SLC30A8: variants seen among roughly 807,000 people sequenced by gnomAD.
The protein encoded by SLC30A8 is proton-coupled zinc antiporter SLC30A8.
A neutral mutation model predicts 36.9 loss-of-function variants in SLC30A8; 27 were observed. The observed-to-expected ratio is 0.73, with a 90% CI of 0.54 to 1.01. The LOEUF is 1.01. SLC30A8 is among the 50% of genes least tolerant of loss of function. The pLI is 0.00. For synonymous variants in SLC30A8, 164 were observed against 172.4 expected (o/e 0.95, Z 0.38); for missense variants, 439 against 452.0 (o/e 0.97, Z 0.26).
chr8:116,970,886 G>A (rs1411673591), intron 1 of SLC30A8, among the ~76,000 whole-genome samples: 2 of 152,152 alleles, frequency 1.3e-5, no homozygotes, highest in East Asian at 3.9e-4. Flanking sequence ...CCTGAGGTCA[G>A]GGGTTTGAGA....
chr8:117,012,667 AGTGTGTGTGTGTGTGCAT>A (rs1816380518), intron 1 of SLC30A8, among the ~76,000 whole-genome samples: 1 of 140,342 alleles, frequency 7.1e-6, no homozygotes, highest in Non-Finnish European at 1.6e-5. Context: ...ACTGTATATA[AGTGTGTGTGTGTGTGCAT>A]GTGTGTGTGT....
intron 2 of SLC30A8, among the ~76,000 whole-genome samples, chr8:117,125,701 GA>G (rs1371958831): frequency 6.6e-6 from 1 of 151,956 alleles, no homozygotes; most frequent in Non-Finnish European, 1.5e-5. Context: ...CAATGACTGA[GA>G]AAAGGCAATT....
At position 117,167,502 on chromosome 8, in the gene SLC30A8, CAT is replaced by C. The variant is rs1271298115; in HGVS notation, c.830-3531_830-3530del. ...TTGCATATATATATATACATACATA[CAT>C]GTATATGTATATGTGTATGTGATGT... On this transcript the variant is annotated intron_variant, in intron 6 of 7. Coordinates refer to ENST00000456015, the MANE Select transcript of SLC30A8 (RefSeq NM_173851.3). Among the ~76,000 whole-genome samples the C allele has an allele frequency of 2.4e-4, 34 of 143,736 alleles. No individual in the cohort carries two copies. In the South Asian group the frequency reaches 4.4e-3, roughly 19 times the overall value. The allele number at this position is 143,736 out of a possible 152,430, so 94.3% of individuals were successfully genotyped here.
chr8:117,154,910 A>G (rs1822396638), intron 3 of SLC30A8, among the ~76,000 whole-genome samples: 2 of 152,200 alleles, frequency 1.3e-5, no homozygotes, highest in South Asian at 4.1e-4. Flanking sequence ...ATTCTGTAAT[A>G]TACAGTAAAA....
At chr8:117,084,124 C>T (rs949333163) in intron 2 of SLC30A8, among the ~76,000 whole-genome samples, 1 of 152,108 alleles carries the variant, frequency 6.6e-6, no homozygotes, top group African/African-American at 2.4e-5. Flanking sequence ...CCTCTTGAGG[C>T]CAATGAAGTA....
At chr8:117,001,381 A>AT in intron 1 of SLC30A8, among the ~76,000 whole-genome samples, 1 of 152,286 alleles carries the variant, frequency 6.6e-6, no homozygotes, top group South Asian at 2.1e-4. Context: ...TGGTGAAATC[A>AT]TTGAGCAGCT....
intron 2 of SLC30A8, among the ~76,000 whole-genome samples, chr8:117,049,293 C>T (rs1817640007): frequency 6.6e-6 from 1 of 152,120 alleles, no homozygotes; most frequent in Non-Finnish European, 1.5e-5. Context: ...CCACTGGCAA[C>T]TTATATAATT....
At chr8:117,122,895 C>T (rs1340960506) in intron 2 of SLC30A8, among the ~76,000 whole-genome samples, 1 of 151,948 alleles carries the variant, frequency 6.6e-6, no homozygotes, top group Non-Finnish European at 1.5e-5. Flanking sequence ...AAGTCAATTG[C>T]TTCCCAAATC....
At chr8:117,080,156 C>CT (rs1182631385) in intron 2 of SLC30A8, among the ~76,000 whole-genome samples, 4 of 151,740 alleles carry the variant, frequency 2.6e-5, no homozygotes, top group Admixed American at 6.6e-5. Context: ...TTTTAAAAAT[C>CT]TTTTTTTTAA....
chr8:117,002,899 G>A (rs979317840), intron 1 of SLC30A8, among the ~76,000 whole-genome samples: 2 of 152,060 alleles, frequency 1.3e-5, no homozygotes, highest in Non-Finnish European at 2.9e-5. Flanking sequence ...CACTGTGCCT[G>A]GCCAAAAGAT....
upstream of SLC30A8, among the ~76,000 whole-genome samples, chr8:117,130,542 T>G (rs969884724): frequency 1.3e-5 from 2 of 151,852 alleles, no homozygotes; most frequent in Non-Finnish European, 1.5e-5. Context: ...TATTATTAAA[T>G]TTGAGCATTT....
Position 117,135,107 on chromosome 8 carries a change from T to A in SLC30A8, c.-221T>A, listed in dbSNP as rs1269022433. The stretch of plus-strand genomic sequence containing the variant: ...CAAGTCTCCCTAGAAAAGCAGTTTT[T>A]GTAGGTGAAAACAATGAAGCCAGGT... On this transcript the variant is annotated 5_prime_UTR_variant, in exon 1 of 8. Coordinates refer to ENST00000456015, the MANE Select transcript of SLC30A8 (RefSeq NM_173851.3). 2.6e-6 allele frequency: 1 copy of A among 388,036 alleles called. No individual in the cohort carries two copies. The highest frequency in any genetic ancestry group is 2.1e-5 in the African/African-American group (1 of 48,544). 24.0% of individuals were successfully genotyped at this position (388,036 alleles called of 1,614,324 possible).
intron 2 of SLC30A8, among the ~76,000 whole-genome samples, chr8:117,092,884 G>C (rs1380649116): frequency 1.3e-5 from 2 of 152,148 alleles, no homozygotes; most frequent in Admixed American, 6.5e-5. Flanking sequence ...TGAGCAATCA[G>C]AGTCTTTCAC....
intron 2 of SLC30A8, among the ~76,000 whole-genome samples, chr8:117,149,878 A>G (rs1822090322): frequency 6.6e-6 from 1 of 152,150 alleles, no homozygotes; most frequent in Non-Finnish European, 1.5e-5. Flanking sequence ...TCAGGGTTCA[A>G]GGTGGGAAAA....
At chr8:117,172,252 G>GGCTTGTCTCCC (rs1174302795) in intron 7 of SLC30A8, among the ~76,000 whole-genome samples, 3 of 152,150 alleles carry the variant, frequency 2.0e-5, no homozygotes, top group African/African-American at 7.2e-5. Flanking sequence ...CTTTTTCCAG[G>GGCTTGTCTCCC]GCTTGTCTCC....
chr8:117,034,149 G>A lies in SLC30A8; in HGVS notation c.-265-5070G>A, dbSNP rs547159139. Among the ~76,000 whole-genome samples the A allele has an allele frequency of 4.6e-5, 7 of 152,306 alleles. No homozygotes were observed. The South Asian group carries it at 1.2e-3, about 27-fold the overall frequency. ...TTGTCCTGATTTTATGAGAGTGGGA[G>A]CAGATTCAGTGAGATTAAATAACAT... On this transcript the variant is annotated intron_variant, in intron 1 of 10. Transcript: ENST00000427715.
Position 117,135,056 on chromosome 8 carries a change from A to G in SLC30A8, c.-272A>G. On this transcript the variant is annotated 5_prime_UTR_variant, in exon 1 of 8. Coordinates refer to ENST00000456015, the MANE Select transcript of SLC30A8 (RefSeq NM_173851.3). ...TTGAATCAGATATCATATGAAAGACATACACACTTCATGTAATGCTACCTG... is the reference window on the plus strand; with the variant it reads ...TTGAATCAGATATCATATGAAAGACGTACACACTTCATGTAATGCTACCTG... 3.3e-6 allele frequency: 1 copy of G among 303,186 alleles called. No homozygotes were observed. The highest frequency in any genetic ancestry group is 5.5e-5 in the East Asian group (1 of 18,080). 18.8% of individuals were successfully genotyped at this position (303,186 alleles called of 1,614,324 possible). A position where few individuals can be genotyped will look rare whatever the true frequency, so the allele number is the denominator to read the frequency against.
At chr8:117,139,164 A>G (rs1237594516) in intron 1 of SLC30A8, among the ~76,000 whole-genome samples, 2 of 152,064 alleles carry the variant, frequency 1.3e-5, no homozygotes, top group Non-Finnish European at 2.9e-5. Context: ...TACCCCTATA[A>G]AGAAGCCTGT....
chr8:117,036,207 T>G (rs888494070), intron 1 of SLC30A8, among the ~76,000 whole-genome samples: 2 of 152,178 alleles, frequency 1.3e-5, no homozygotes, highest in Non-Finnish European at 2.9e-5. Flanking sequence ...CATAAATTTC[T>G]CATCTCCATC....
Sources: allele counts gnomAD v4.1 joint callset (sites outside exome capture counted in the v4.1 genomes callset), GRCh38; gene constraint gnomAD v4.1.1; transcripts MANE v1.5; gene names NCBI Gene and HGNC (gene_info 2026-07-23, HGNC 2026-07-21).